The following FOCAD variants were observed in gnomAD, a reference collection of about 807,000 sequenced individuals.
The protein encoded by FOCAD is focadhesin.
A neutral mutation model predicts 225.6 loss-of-function variants in FOCAD; 198 were observed. The observed-to-expected ratio is 0.88, with a 90% CI of 0.78 to 0.99. The LOEUF is 0.99. Among genes scored for constraint, FOCAD ranks in the 50% least tolerant of loss-of-function variants. The probability of loss-of-function intolerance (pLI) is 0.00; values close to 1 mark genes in which losing one functional copy is unlikely to be tolerated. For synonymous variants in FOCAD, 897 were observed against 755.0 expected (o/e 1.19, Z -3.08); for missense variants, 2,713 against 2,123.6 (o/e 1.28, Z -5.46).
chr9:20,762,779 G>A (rs1157979894), intron 6 of FOCAD, among the ~76,000 whole-genome samples: 1 of 151,946 alleles, frequency 6.6e-6, no homozygotes, highest in African/African-American at 2.4e-5. Context: ...ACCCCGTAGT[G>A]AACAAAGTGC....
intron 21 of FOCAD, among the ~76,000 whole-genome samples, chr9:20,886,244 A>G (rs1468946275): frequency 2.0e-5 from 3 of 152,058 alleles, no homozygotes; most frequent in Admixed American, 6.5e-5. Flanking sequence ...TAGTGTCTTC[A>G]TTCAACTAAA....
At chr9:20,720,020 A>G (rs184505326) in intron 3 of FOCAD, among the ~76,000 whole-genome samples, 66 of 152,192 alleles carry the variant, frequency 4.3e-4, no homozygotes, top group African/African-American at 1.3e-3. Flanking sequence ...TTGGAGTTCA[A>G]CTCAGGCTAG....
intron 26 of FOCAD, among the ~76,000 whole-genome samples, chr9:20,928,684 A>T (rs916456428): frequency 2.0e-4 from 30 of 152,194 alleles, no homozygotes; most frequent in African/African-American, 6.8e-4. Context: ...AGGAAGGGGC[A>T]TATAGAGCTC....
At chr9:20,730,482 A>T (rs996885691) in intron 4 of FOCAD, among the ~76,000 whole-genome samples, 4 of 152,150 alleles carry the variant, frequency 2.6e-5, no homozygotes, top group Admixed American at 6.5e-5. Context: ...TAATGAGCTT[A>T]TGGATTTAAA....
At chr9:20,911,978 A>G (rs560163444) in intron 22 of FOCAD, among the ~76,000 whole-genome samples, 13 of 152,174 alleles carry the variant, frequency 8.5e-5, no homozygotes, top group Admixed American at 4.6e-4. Context: ...CATTAAAACC[A>G]TAGTGAAGAC....
At chr9:20,994,733 T>C (rs1002619258) in intron 43 of FOCAD, among the ~76,000 whole-genome samples, 2 of 152,202 alleles carry the variant, frequency 1.3e-5, no homozygotes, top group African/African-American at 4.8e-5. Context: ...GAGTTTGTGC[T>C]CATTTTTAAT....
upstream of FOCAD, among the ~76,000 whole-genome samples, chr9:20,656,374 G>C (rs1174048541): frequency 6.6e-6 from 1 of 151,736 alleles, no homozygotes. Context: ...GTTGACAGTG[G>C]GGTGTTAAAG....
At chr9:20,827,462 C>G (rs1242612273) in intron 15 of FOCAD, among the ~76,000 whole-genome samples, 1 of 152,074 alleles carries the variant, frequency 6.6e-6, no homozygotes, top group South Asian at 2.1e-4. Context: ...ACATTTGCCA[C>G]TAACAGACAA....
chr9:20,683,198 G>T (rs1468191084), upstream of FOCAD: 1 of 152,146 alleles, frequency 6.6e-6, no homozygotes, highest in East Asian at 1.9e-4. Context: ...ATGAGAAACA[G>T]AACTTCTTGT....
intron 1 of FOCAD, among the ~76,000 whole-genome samples, chr9:20,713,868 T>A (rs562298498): frequency 1.3e-5 from 2 of 152,240 alleles, no homozygotes; most frequent in African/African-American, 2.4e-5. Context: ...AAGAAAGTTG[T>A]GATTGACACA....
At chr9:20,804,330 C>G (rs1267686626) in intron 11 of FOCAD, among the ~76,000 whole-genome samples, 1 of 151,952 alleles carries the variant, frequency 6.6e-6, no homozygotes, top group Non-Finnish European at 1.5e-5. Flanking sequence ...TGGAATTTCA[C>G]TAGCTTGATA....
At chr9:20,688,404 G>C (rs747724571) in intron 1 of FOCAD, among the ~76,000 whole-genome samples, 1 of 152,154 alleles carries the variant, frequency 6.6e-6, no homozygotes, top group Non-Finnish European at 1.5e-5. Flanking sequence ...ATGACTTGCC[G>C]AGATAGGAAT....
intron 15 of FOCAD, among the ~76,000 whole-genome samples, chr9:20,826,201 A>T (rs1824871742): frequency 6.6e-6 from 1 of 152,110 alleles, no homozygotes; most frequent in African/African-American, 2.4e-5. Context: ...CATTTGAGTC[A>T]GTGGACTGGG....
At chr9:20,743,489 G>A (rs1052441391) in intron 5 of FOCAD, among the ~76,000 whole-genome samples, 1 of 152,164 alleles carries the variant, frequency 6.6e-6, no homozygotes, top group Non-Finnish European at 1.5e-5. Flanking sequence ...ACCAGTATGG[G>A]AGTGGACAGA....
At chr9:20,976,231 A>C (rs1840218083) in intron 35 of FOCAD, 189 bp from the exon 36 acceptor site, 2 of 382,474 alleles carry the variant, frequency 5.2e-6, no homozygotes, top group East Asian at 8.6e-5. Context: ...TAAAAAGAGA[A>C]GAACAGAGGG....
intron 28 of FOCAD, among the ~76,000 whole-genome samples, chr9:20,942,849 G>A (rs1836805917): frequency 6.6e-6 from 1 of 152,224 alleles, no homozygotes; most frequent in Non-Finnish European, 1.5e-5. Context: ...ATTGTATGAA[G>A]TAAATTAGCA....
intron 20 of FOCAD, among the ~76,000 whole-genome samples, chr9:20,882,971 C>T (rs1587497137): frequency 6.6e-6 from 1 of 152,088 alleles, no homozygotes; most frequent in African/African-American, 2.4e-5. Context: ...GAGCTGGACT[C>T]AAATTACAAA....
intron 15 of FOCAD, among the ~76,000 whole-genome samples, chr9:20,860,492 G>C (rs1192160753): frequency 1.3e-5 from 2 of 152,026 alleles, no homozygotes; most frequent in Non-Finnish European, 2.9e-5. Flanking sequence ...CTTGGCCTTT[G>C]TCCCTGTTAT....
chr9:20,916,293 A>G (rs115206679), intron 23 of FOCAD, among the ~76,000 whole-genome samples: 1,600 of 152,284 alleles, frequency 0.011, 33 homozygotes, highest in African/African-American at 0.036. Flanking sequence ...TTCTGTAAAT[A>G]TTTGAATTGT....
Sources: gnomAD v4.1 joint callset for allele counts (sites outside exome capture counted in the v4.1 genomes callset) on GRCh38, gnomAD v4.1.1 for gene constraint, MANE v1.5 for transcripts, NCBI Gene and HGNC (gene_info 2026-07-23, HGNC 2026-07-21) for gene names.